The following HABP2 variants were observed in gnomAD, a reference collection of about 807,000 sequenced individuals.
HABP2 encodes factor VII-activating protease.
A neutral mutation model predicts 66.5 loss-of-function variants in HABP2; 65 were observed. The observed-to-expected ratio is 0.98, with a 90% CI of 0.80 to 1.20. The LOEUF is 1.20. HABP2 is among the 50% of genes most tolerant of loss of function. The pLI is 0.00. For missense variants in HABP2, 786 were observed against 691.0 expected (o/e 1.14, Z -1.54); for synonymous variants, 263 against 253.9 (o/e 1.04, Z -0.34).
intron 5 of HABP2, among the ~76,000 whole-genome samples, chr10:113,577,467 C>T (rs1239775967): frequency 6.6e-6 from 1 of 152,122 alleles, no homozygotes; most frequent in Non-Finnish European, 1.5e-5. Context: ...CCCTTCCCAC[C>T]CAAAAAGAAT....
upstream of HABP2, among the ~76,000 whole-genome samples, chr10:113,552,154 G>C (rs1319942204): frequency 2.0e-5 from 3 of 152,114 alleles, no homozygotes; most frequent in Non-Finnish European, 4.4e-5. Context: ...GGCAGGTAGG[G>C]GCAGGGCTGG....
chr10:113,588,855 A>G lies in HABP2; in HGVS notation c.*486A>G, dbSNP rs1278137705. The G allele has an allele frequency of 1.4e-6, 1 of 725,584 alleles. No individual in the cohort carries two copies. The highest frequency in any genetic ancestry group is 2.4e-6 in the Non-Finnish European group (1 of 409,624). The allele number at this position is 725,584 out of a possible 1,614,324, so 44.9% of individuals were successfully genotyped here. A position where few individuals can be genotyped will look rare whatever the true frequency, so the allele number is the denominator to read the frequency against. Reference sequence around the variant, plus strand: ...TGCTTTCAGAGTTATTATTTTAATAAAGGAAGATCTGGGATGGGCTGGTGG... The same window carrying G: ...TGCTTTCAGAGTTATTATTTTAATAGAGGAAGATCTGGGATGGGCTGGTGG... On this transcript the variant is annotated 3_prime_UTR_variant, in exon 13 of 13. Transcript: ENST00000351270.
At chr10:113,573,537 A>T (rs1209768199) in intron 2 of HABP2, among the ~76,000 whole-genome samples, 1 of 152,190 alleles carries the variant, frequency 6.6e-6, no homozygotes, top group African/African-American at 2.4e-5. Flanking sequence ...GTACGGAGAC[A>T]AACTGCCATA....
chr10:113,585,231 C>T (rs1199661672), intron 11 of HABP2, among the ~76,000 whole-genome samples: 1 of 152,194 alleles, frequency 6.6e-6, no homozygotes, highest in East Asian at 1.9e-4. Context: ...ATGGTCTGGT[C>T]AGCATGGTGA....
intron 1 of HABP2, among the ~76,000 whole-genome samples, chr10:113,554,230 G>A (rs1304265028): frequency 1.3e-5 from 2 of 152,188 alleles, no homozygotes; most frequent in Admixed American, 1.3e-4. Flanking sequence ...ATAAAAATCA[G>A]AGAATGCTCC....
intron 1 of HABP2, among the ~76,000 whole-genome samples, chr10:113,565,594 C>G (rs111623316): frequency 1.3e-5 from 2 of 152,326 alleles, no homozygotes; most frequent in African/African-American, 4.8e-5. Flanking sequence ...TGTAATGGAT[C>G]CACCCCTATG....
Position 113,572,980 on chromosome 10 carries a change from G to A in HABP2, c.107-1309G>A, listed in dbSNP as rs1845341559. Among the ~76,000 whole-genome samples the A allele has an allele frequency of 2.6e-5, 4 of 152,224 alleles. No individual in the cohort carries two copies. The South Asian group carries it at 8.3e-4, about 32-fold the overall frequency. On this transcript the variant is annotated intron_variant, in intron 2 of 12. Coordinates refer to ENST00000351270, the MANE Select transcript of HABP2 (RefSeq NM_004132.5). The stretch of plus-strand genomic sequence containing the variant: ...AAAGACTCTAACAGAATGACTGAGA[G>A]ACGAGTAAGATAATGTGGTTGATAA...
At position 113,589,026 on chromosome 10, in the gene HABP2, T is replaced by C; in HGVS notation, c.*657T>C. On this transcript the variant is annotated 3_prime_UTR_variant, in exon 13 of 13. Coordinates refer to ENST00000351270, the MANE Select transcript of HABP2 (RefSeq NM_004132.5). ...TGACGTGCAGAATCTCAGTGGCATC[T>C]GGGTTCACCTCCCCACTCTGATGAT... 1 of 1,614,094 alleles carries C rather than the reference T, an allele frequency of 6.2e-7. No individual in the cohort carries two copies. The highest frequency in any genetic ancestry group is 8.5e-7 in the Non-Finnish European group (1 of 1,180,008).
At chr10:113,567,410 T>C in intron 1 of HABP2, 79 bp from the exon 2 acceptor site, 1 of 1,084,776 alleles carries the variant, frequency 9.2e-7, no homozygotes, top group Non-Finnish European at 1.4e-6. Context: ...CCATACGATC[T>C]CCTCTGGCTG....
At chr10:113,567,314 G>T (rs916972770) in intron 1 of HABP2, among the ~76,000 whole-genome samples, 175 bp from the exon 2 acceptor site, 2 of 152,144 alleles carry the variant, frequency 1.3e-5, no homozygotes, top group Non-Finnish European at 2.9e-5. Flanking sequence ...GGTGGAGGGG[G>T]TGTATCTTCA....
chr10:113,558,858 A>AT (rs959346024), intron 1 of HABP2, among the ~76,000 whole-genome samples: 126 of 147,616 alleles, frequency 8.5e-4, no homozygotes, highest in East Asian at 3.8e-3. Flanking sequence ...GCTTGTCTTA[A>AT]TTTTTTTTTT....
intron 3 of HABP2, 76 bp downstream of exon 3, chr10:113,574,481 G>A (rs138662419): frequency 4.1e-6 from 3 of 734,644 alleles, no homozygotes; most frequent in South Asian, 1.6e-5. Flanking sequence ...ACATGCAAGG[G>A]CCTCTCTCTC....
At chr10:113,574,203 G>A in intron 2 of HABP2, 86 bp from the exon 3 acceptor site, 1 of 725,990 alleles carries the variant, frequency 1.4e-6, no homozygotes, top group Admixed American at 1.9e-5. Flanking sequence ...TGAATTCTTT[G>A]GGGAAAAGGT....
chr10:113,588,839 A>AGTT lies in HABP2; in HGVS notation c.*471_*473dup. 2.9e-6 allele frequency: 2 copies of AGTT among 696,230 alleles called. No homozygotes were observed. Among genetic ancestry groups the AGTT allele is most frequent in the Non-Finnish European group, 5.1e-6 (2 of 389,644 alleles). 43.1% of individuals were successfully genotyped at this position (696,230 alleles called of 1,614,324 possible). A position where few individuals can be genotyped will look rare whatever the true frequency, so the allele number is the denominator to read the frequency against. ...TACAACATTCTCCATCTGCTTTCAG[A>AGTT]GTTATTATTTTAATAAAGGAAGATC... On this transcript the variant is annotated 3_prime_UTR_variant, in exon 13 of 13. Coordinates refer to ENST00000351270, the MANE Select transcript of HABP2 (RefSeq NM_004132.5).
At chr10:113,553,247 C>G in intron 1 of HABP2, 57 bp downstream of exon 1, 1 of 1,251,338 alleles carries the variant, frequency 8.0e-7, no homozygotes, top group Non-Finnish European at 1.2e-6. Flanking sequence ...ACTAGGAGGA[C>G]CAAGCTAGGC....
At chr10:113,568,409 C>T (rs982212622) in intron 2 of HABP2, among the ~76,000 whole-genome samples, 2 of 152,164 alleles carry the variant, frequency 1.3e-5, no homozygotes, top group African/African-American at 4.8e-5. Flanking sequence ...GTAACTGGGC[C>T]AAAGTCAGTT....
At chr10:113,572,716 C>T (rs1845335203) in intron 2 of HABP2, 1 of 454,742 alleles carries the variant, frequency 2.2e-6, no homozygotes, top group Non-Finnish European at 4.4e-6. Context: ...CAACCTGGAT[C>T]CTCAGCCCTA....
chr10:113,588,069 C>A, intron 12 of HABP2, 136 bp from the exon 13 acceptor site: 1 of 605,568 alleles, frequency 1.7e-6, no homozygotes, highest in Non-Finnish European at 2.8e-6. Flanking sequence ...AGCCTTGTCA[C>A]TGCTTTCCAG....
At chr10:113,566,596 G>A (rs900428133) in intron 1 of HABP2, among the ~76,000 whole-genome samples, 1 of 152,354 alleles carries the variant, frequency 6.6e-6, no homozygotes, top group South Asian at 2.1e-4. Flanking sequence ...AGAGTCTGAT[G>A]TGAGAGACAG....
Sources: gnomAD v4.1 joint callset for allele counts (sites outside exome capture counted in the v4.1 genomes callset) on GRCh38, gnomAD v4.1.1 for gene constraint, MANE v1.5 for transcripts, NCBI Gene and HGNC (gene_info 2026-07-23, HGNC 2026-07-21) for gene names.